Variants in DNAJC6 observed in about 807,000 individuals in gnomAD.
DNAJC6 encodes the protein auxilin.
Under a neutral mutation model 110.0 loss-of-function variants are expected in DNAJC6, and 34 were observed. The observed-to-expected ratio is 0.31, with a 90% CI of 0.24 to 0.41. The LOEUF is 0.41. DNAJC6 is among the 10% of genes least tolerant of loss of function. DNAJC6 has a pLI of 1.00. For missense variants in DNAJC6, 1,031 were observed against 1,207.8 expected (o/e 0.85, Z 2.17); for synonymous variants, 406 against 437.2 (o/e 0.93, Z 0.89).
chr1:65,375,136 G>T lies in DNAJC6; in HGVS notation c.544-4266G>T, dbSNP rs1269161941. On this transcript the variant is annotated intron_variant, in intron 4 of 18. Transcript: ENST00000371069. ...CTACCACTATGCCCGGTTAATTTTT[G>T]TATTTTTGGTAGAGACGGGGTTTCA... 3.3e-5 allele frequency among the ~76,000 whole-genome samples: 5 copies of T among 151,898 alleles called. No individual in the cohort carries two copies. The East Asian group carries it at 9.7e-4, about 29-fold the overall frequency.
At chr1:65,311,451 C>T (rs1645101081) in intron 1 of DNAJC6, among the ~76,000 whole-genome samples, 2 of 152,108 alleles carry the variant, frequency 1.3e-5, no homozygotes, top group African/African-American at 4.8e-5. Flanking sequence ...TCTTGAACTC[C>T]TGACCTCAGG....
intron 1 of DNAJC6, among the ~76,000 whole-genome samples, chr1:65,332,574 C>T (rs1645298573): frequency 6.6e-6 from 1 of 152,202 alleles, no homozygotes; most frequent in South Asian, 2.1e-4. Context: ...TTGGACAGGC[C>T]TCAATAATGC....
At chr1:65,321,514 A>G (rs1645197253) in intron 1 of DNAJC6, among the ~76,000 whole-genome samples, 1 of 152,174 alleles carries the variant, frequency 6.6e-6, no homozygotes, top group African/African-American at 2.4e-5. Context: ...AATTTTTTAA[A>G]GACGATTTTT....
Position 65,411,173 on chromosome 1 carries a change from G to T in DNAJC6, c.2635-77G>T, listed in dbSNP as rs1006508184. On this transcript the variant is annotated intron_variant, in intron 17 of 18. Coordinates refer to ENST00000371069, the MANE Select transcript of DNAJC6 (RefSeq NM_001256864.2). ...TTTTGATGTTGCTGGAGCAGAAGGG[G>T]TTTCTAGAGTCCTAGTGGAAACCTT... The T allele has an allele frequency of 4.8e-6, 7 of 1,461,000 alleles. No homozygotes were observed. In the African/African-American group the frequency reaches 8.4e-5, roughly 18 times the overall value. 90.5% of individuals were successfully genotyped at this position (1,461,000 alleles called of 1,614,324 possible).
chr1:65,393,612 AC>A (rs200322622), intron 12 of DNAJC6, among the ~76,000 whole-genome samples: 1,547 of 152,294 alleles, frequency 0.01, 31 homozygotes, highest in African/African-American at 0.035. Context: ...AGAGACTCAA[AC>A]CTTCTACTAT....
rs558446831 is a variant in DNAJC6 at position 65,392,363 on chromosome 1, T to C, written c.1469-68T>C. On this transcript the variant is annotated intron_variant, in intron 11 of 18. Coordinates refer to ENST00000371069, the MANE Select transcript of DNAJC6 (RefSeq NM_001256864.2). ...CTGTCTTTCTGGAATTATATACATA[T>C]ATTATAACAAAAACCAACAATGCTG... 6 of 1,390,514 alleles carry C rather than the reference T, an allele frequency of 4.3e-6. No individual in the cohort carries two copies. In the African/African-American group the frequency reaches 5.8e-5, roughly 14 times the overall value. The allele number at this position is 1,390,514 out of a possible 1,614,324, so 86.1% of individuals were successfully genotyped here.
Position 65,411,103 on chromosome 1 carries a change from T to G in DNAJC6, c.2635-147T>G. ...GTAGGAGATTGAGGAGGAGAAGCAT[T>G]CCAGGTAGAGGAAACAGCCTGGATC... is the stretch of plus-strand genomic sequence containing the variant. On this transcript the variant is annotated intron_variant, in intron 17 of 18. Coordinates refer to ENST00000371069, the MANE Select transcript of DNAJC6 (RefSeq NM_001256864.2). 5 of 651,346 alleles carry G rather than the reference T, an allele frequency of 7.7e-6. No individual in the cohort carries two copies. In the South Asian group the frequency reaches 1.2e-4, roughly 15 times the overall value. The allele number at this position is 651,346 out of a possible 1,614,324, so 40.3% of individuals were successfully genotyped here.
chr1:65,323,423 C>CT (rs1489623274), intron 1 of DNAJC6, among the ~76,000 whole-genome samples: 3 of 152,166 alleles, frequency 2.0e-5, no homozygotes, highest in African/African-American at 7.2e-5. Context: ...ACGTGTCTTG[C>CT]TTCCCCTTTG....
chr1:65,356,007 A>C (rs1351005998), intron 1 of DNAJC6, among the ~76,000 whole-genome samples: 1 of 151,270 alleles, frequency 6.6e-6, no homozygotes, highest in Admixed American at 6.6e-5. Context: ...TAAGGAAATC[A>C]AGACTTCTCT....
intron 1 of DNAJC6, among the ~76,000 whole-genome samples, chr1:65,284,365 A>G (rs1653946160): frequency 6.6e-6 from 1 of 152,188 alleles, no homozygotes; most frequent in African/African-American, 2.4e-5. Flanking sequence ...ATGTTCCCAG[A>G]GAGCCTCCAG....
upstream of DNAJC6, among the ~76,000 whole-genome samples, chr1:65,306,076 ATTT>A (rs35897124): frequency 2.2e-5 from 3 of 135,228 alleles, no homozygotes; most frequent in African/African-American, 5.5e-5. Flanking sequence ...GGCAACTTCA[ATTT>A]TTTTTTTTTT....
At chr1:65,405,844 C>A (rs754617468) in intron 15 of DNAJC6, 26 bp from the exon 16 acceptor site, 29 of 1,561,642 alleles carry the variant, frequency 1.9e-5, no homozygotes, top group Non-Finnish European at 2.5e-5. Flanking sequence ...AATAGTTTTA[C>A]CTTCTTTATC....
intron 1 of DNAJC6, among the ~76,000 whole-genome samples, chr1:65,302,107 AATAT>A (rs71056094): frequency 9.3e-5 from 5 of 53,808 alleles, no homozygotes; most frequent in Admixed American, 2.1e-4. Flanking sequence ...TATAATATAT[AATAT>A]ATATATATAT....
At chr1:65,368,628 T>C (rs12729464) in intron 4 of DNAJC6, among the ~76,000 whole-genome samples, 1 of 147,104 alleles carries the variant, frequency 6.8e-6, no homozygotes, top group East Asian at 2.1e-4. Context: ...TTCTTCTCCT[T>C]CTCCTCCTCC....
intron 4 of DNAJC6, among the ~76,000 whole-genome samples, chr1:65,376,726 GAGA>G (rs1256461404): frequency 6.6e-6 from 1 of 151,458 alleles, no homozygotes. Flanking sequence ...ATTGTGGTCA[GAGA>G]AGATGCTTGG....
intron 1 of DNAJC6, chr1:65,264,950 G>A: frequency 5.0e-6 from 8 of 1,611,460 alleles, no homozygotes; most frequent in African/African-American, 4.0e-5. Flanking sequence ...GCGGACTGCA[G>A]AAAGATGGCT....
At chr1:65,347,596 A>G (rs148107088) in intron 1 of DNAJC6, among the ~76,000 whole-genome samples, 1 of 152,140 alleles carries the variant, frequency 6.6e-6, no homozygotes, top group Non-Finnish European at 1.5e-5. Context: ...ATAACAAAAT[A>G]TAGGTAATGT....
At chr1:65,384,900 T>G (rs1297780438) in intron 6 of DNAJC6, among the ~76,000 whole-genome samples, 1 of 152,236 alleles carries the variant, frequency 6.6e-6, no homozygotes, top group African/African-American at 2.4e-5. Flanking sequence ...ATGTTAAAAC[T>G]AGAAGGAAAC....
At chr1:65,278,882 T>TGC in intron 1 of DNAJC6, 1 of 820,414 alleles carries the variant, frequency 1.2e-6, no homozygotes, top group Non-Finnish European at 1.5e-6. Flanking sequence ...GAATCTGGCA[T>TGC]GCGCTAACAT....
Sources: allele counts gnomAD v4.1 joint callset (sites outside exome capture counted in the v4.1 genomes callset), GRCh38; gene constraint gnomAD v4.1.1; transcripts MANE v1.5; gene names NCBI Gene and HGNC (gene_info 2026-07-23, HGNC 2026-07-21).